Variants in LRRTM4 observed in about 807,000 individuals in gnomAD.
LRRTM4 encodes leucine-rich repeat transmembrane neuronal protein 4.
In LRRTM4, 25 loss-of-function variants were observed where a neutral mutation model predicts 47.6. The ratio of observed to expected loss-of-function variants is 0.53; its 90% CI spans 0.38 to 0.73. LRRTM4 has a LOEUF of 0.73. LRRTM4 is among the 30% of genes least tolerant of loss of function. The pLI, the probability that LRRTM4 is intolerant of heterozygous loss-of-function variation, is 0.00. For synonymous variants in LRRTM4, 311 were observed against 269.5 expected, an observed-to-expected ratio of 1.15 and a Z score of -1.51; for missense variants, 638 against 713.4, an observed-to-expected ratio of 0.89 and a Z score of 1.20.
At chr2:76,879,974 G>C (rs1403422527) in intron 3 of LRRTM4, among the ~76,000 whole-genome samples, 3 of 152,224 alleles carry the variant, frequency 2.0e-5, no homozygotes, top group African/African-American at 7.2e-5. Flanking sequence ...TGAATGCATT[G>C]CTGCAATCTC....
At chr2:77,432,809 T>TCAG (rs1675436922) in intron 3 of LRRTM4, among the ~76,000 whole-genome samples, 1 of 152,210 alleles carries the variant, frequency 6.6e-6, no homozygotes, top group Admixed American at 6.5e-5. Context: ...CAGAGTCCTG[T>TCAG]TTCAGTCTAG....
rs138421800 is a variant in LRRTM4, at chr2:77,235,376, G to T, written c.1551+282942C>A. The stretch of plus-strand genomic sequence containing the variant: ...ATTTCTCATGCCCATTTTTAATGGG[G>T]TTATTTGGTTTTTGCTTGTTAATTT... On this transcript the variant is annotated intron_variant, in intron 3 of 3. Transcript: ENST00000409884. Among the ~76,000 whole-genome samples, 234 of 152,150 alleles carry T rather than the reference G, an allele frequency of 1.5e-3. 1 individual carries two copies. The highest frequency in any genetic ancestry group is 5.3e-3 in the African/African-American group (221 of 41,518).
chr2:77,275,167 T>G (rs570933615), intron 3 of LRRTM4, among the ~76,000 whole-genome samples: 1 of 152,292 alleles, frequency 6.6e-6, no homozygotes, highest in South Asian at 2.1e-4. Context: ...TAATCTCTTT[T>G]CTTAAAACTT....
At chr2:77,121,805 C>G (rs1033090903) in intron 3 of LRRTM4, among the ~76,000 whole-genome samples, 4 of 151,792 alleles carry the variant, frequency 2.6e-5, no homozygotes, top group African/African-American at 9.7e-5. Context: ...AGGTTACCGT[C>G]TTTTTGAGAA....
chr2:77,002,189 G>A (rs1677456823), intron 3 of LRRTM4, among the ~76,000 whole-genome samples: 1 of 152,034 alleles, frequency 6.6e-6, no homozygotes, highest in Non-Finnish European at 1.5e-5. Flanking sequence ...AAACATATAT[G>A]TTAGCTTCCT....
rs764914907 is a variant in LRRTM4 at position 77,519,189 on chromosome 2, C to A, written c.680G>T (p.Arg227Leu). The change falls in exon 3 of 4, where the codon CGT becomes CTT. Residue 227 changes from arginine (R) to leucine (L), a missense_variant. By Grantham distance (102) the Arg-to-Leu change is moderately radical. Transcript: ENST00000409884. This position sits in a 1 kb window ranked among gnomAD's most constrained non-coding sequence, Gnocchi z 4.6. ...FSKINFAHFP[R>L]LFNLRSIYLQ... ...GTAAATTGAGCGGAGGTTGAAGAGA[C>A]GTGGAAAATGAGCAAAGTTGATCTT... The A allele has an allele frequency of 6.2e-7, 1 of 1,613,066 alleles. No individual in the cohort carries two copies. Among genetic ancestry groups the A allele is most frequent in the Non-Finnish European group, 8.5e-7 (1 of 1,179,590 alleles).
chr2:76,872,725 C>T (rs989072017), intron 3 of LRRTM4, among the ~76,000 whole-genome samples: 1 of 151,932 alleles, frequency 6.6e-6, no homozygotes, highest in African/African-American at 2.4e-5. Flanking sequence ...AAATTTGTTT[C>T]CTAATGTAGG....
At chr2:77,425,465 C>G (rs555639869) in intron 3 of LRRTM4, among the ~76,000 whole-genome samples, 34 of 152,150 alleles carry the variant, frequency 2.2e-4, no homozygotes, top group Non-Finnish European at 4.1e-4. Context: ...GGTTATCTAT[C>G]TTTTATGTTT....
chr2:77,134,270 T>C (rs570930915), intron 3 of LRRTM4, among the ~76,000 whole-genome samples: 204 of 152,278 alleles, frequency 1.3e-3, no homozygotes, highest in Non-Finnish European at 2.6e-3. Context: ...TTAGGTCTTC[T>C]AGTGCCGTGA....
chr2:77,351,251 T>C (rs1200971008), intron 3 of LRRTM4, among the ~76,000 whole-genome samples: 1 of 151,472 alleles, frequency 6.6e-6, no homozygotes, highest in Non-Finnish European at 1.5e-5. Flanking sequence ...CACATTGATA[T>C]AGCTCACTGT....
chr2:77,010,419 CATA>C (rs1489596122), intron 3 of LRRTM4, among the ~76,000 whole-genome samples: 1 of 151,420 alleles, frequency 6.6e-6, no homozygotes, highest in Non-Finnish European at 1.5e-5. Context: ...TTTCACTTAG[CATA>C]ATGTCTTCCT....
At chr2:76,920,824 T>C (rs1464908811) in intron 3 of LRRTM4, among the ~76,000 whole-genome samples, 11 of 152,130 alleles carry the variant, frequency 7.2e-5, no homozygotes, top group Non-Finnish European at 1.2e-4. Flanking sequence ...ATCTCTACTA[T>C]ATTTTAATTA....
At chr2:76,956,564 G>C (rs1675681784) in intron 3 of LRRTM4, among the ~76,000 whole-genome samples, 1 of 150,554 alleles carries the variant, frequency 6.6e-6, no homozygotes, top group Non-Finnish European at 1.5e-5. Context: ...AGAAAAATAA[G>C]AATGATCTAA....
At chr2:77,023,108 G>A (rs1383530903) in intron 3 of LRRTM4, among the ~76,000 whole-genome samples, 1 of 152,222 alleles carries the variant, frequency 6.6e-6, no homozygotes, top group Non-Finnish European at 1.5e-5. Flanking sequence ...TGTACCTGCA[G>A]GCTCAACACC....
chr2:77,081,596 T>C (rs1469740260), intron 3 of LRRTM4, among the ~76,000 whole-genome samples: 12 of 151,960 alleles, frequency 7.9e-5, no homozygotes, highest in Non-Finnish European at 1.6e-4. Context: ...AATTTTATTG[T>C]ACATAGGTGA....
chr2:76,801,226 GCA>G, intron 3 of LRRTM4, among the ~76,000 whole-genome samples: 1 of 152,064 alleles, frequency 6.6e-6, no homozygotes, highest in Non-Finnish European at 1.5e-5. Context: ...TATGTTTATT[GCA>G]GCATTATTCA....
chr2:77,055,961 A>G (rs1277450463), intron 3 of LRRTM4, among the ~76,000 whole-genome samples: 1 of 147,272 alleles, frequency 6.8e-6, no homozygotes, highest in Non-Finnish European at 1.5e-5. Context: ...AACACCGCAT[A>G]TTCTCACTCA....
intron 3 of LRRTM4, among the ~76,000 whole-genome samples, chr2:77,161,261 C>T (rs1382982865): frequency 1.3e-5 from 2 of 152,128 alleles, no homozygotes; most frequent in Non-Finnish European, 2.9e-5. Context: ...TGGACTGACG[C>T]CAACCCAACC....
intron 3 of LRRTM4, among the ~76,000 whole-genome samples, chr2:76,756,582 C>G (rs553381473): frequency 2.0e-5 from 3 of 152,236 alleles, no homozygotes; most frequent in East Asian, 1.9e-4. Flanking sequence ...AACAAAATCT[C>G]TCTCCCTACT....
Sources: gnomAD v4.1 joint callset for allele counts (sites outside exome capture counted in the v4.1 genomes callset) on GRCh38, gnomAD v4.1.1 for gene constraint, Gnocchi (gnomAD v3.1) non-coding constraint, MANE v1.5 for transcripts, NCBI Gene and HGNC (gene_info 2026-07-23, HGNC 2026-07-21) for gene names.